Variants in DTX1 observed in about 807,000 individuals in gnomAD.
DTX1 encodes the protein E3 ubiquitin-protein ligase DTX1.
DTX1 carries 26 observed loss-of-function variants against 57.8 expected under a neutral mutation model. That is an observed-to-expected ratio of 0.45 (90% confidence interval 0.33 to 0.62). DTX1 has a LOEUF of 0.62. DTX1 is among the 20% of genes least tolerant of loss of function. The pLI is 0.02. For missense variants in DTX1, 704 were observed against 895.3 expected, an observed-to-expected ratio of 0.79 and a Z score of 2.73; for synonymous variants, 398 against 394.1, an observed-to-expected ratio of 1.01 and a Z score of -0.12.
Position 113,093,439 on chromosome 12 carries a change from C to CCA in DTX1, c.1004-99_1004-98insAC. 6 of 780,754 alleles carry CCA rather than the reference C, an allele frequency of 7.7e-6. No homozygotes were observed. Among genetic ancestry groups the CCA allele is most frequent in the Non-Finnish European group, 1.2e-5 (6 of 494,514 alleles). 48.4% of individuals were successfully genotyped at this position (780,754 alleles called of 1,614,324 possible). The stretch of plus-strand genomic sequence containing the variant: ...AGTGGGTGGGGCCCAAGAGCGCAAC[C>CCA]CTCCCACCCACCCGAGGGCCCCGGG... On this transcript the variant is annotated intron_variant, in intron 4 of 9. Transcript: ENST00000548759. This position sits in a 1 kb window ranked among gnomAD's most constrained non-coding sequence, Gnocchi z 4.2.
In DTX1 at chr12:113,096,966, T is replaced by G. The variant is rs1394723278; in HGVS notation, c.*27T>G. 2 of 1,590,338 alleles carry G rather than the reference T, an allele frequency of 1.3e-6. No homozygotes were observed. Among genetic ancestry groups the G allele is most frequent in the Non-Finnish European group, 1.7e-6 (2 of 1,170,012 alleles). On this transcript the variant is annotated 3_prime_UTR_variant, in exon 10 of 10. Coordinates refer to ENST00000548759, the MANE Select transcript of DTX1 (RefSeq NM_004416.3). ...GCCCAAGGCTGCCCACCTTCCCTCC[T>G]GCTTTGCCCCTGGTCCGGCAAATGC...
chr12:113,077,812 C>T lies in DTX1; in HGVS notation c.648C>T (p.Asn216=). ...TCAACAGCACGCGCGCCGCCTCCAA[C>T]GCCATCCTGGCCTCGCAGCGCCGCA... ...LLVNSTRAAS[N]AILASQRRKA... The change falls in exon 3 of 10, where the codon AAC becomes AAT. Residue 216 remains asparagine, a synonymous_variant. Coordinates refer to ENST00000548759, the MANE Select transcript of DTX1 (RefSeq NM_004416.3). The surrounding 1 kb of genome is among the most constrained non-coding windows in gnomAD (Gnocchi z 7.8). 2 of 1,475,104 alleles carry T rather than the reference C, an allele frequency of 1.4e-6. No individual in the cohort carries two copies. Among genetic ancestry groups the T allele is most frequent in the South Asian group, 1.3e-5 (1 of 76,014 alleles). 91.4% of individuals were successfully genotyped at this position (1,475,104 alleles called of 1,614,324 possible).
Position 113,094,017 on chromosome 12 carries a change from CA to C in DTX1, c.1166-20del. 1 of 1,567,654 alleles carries C rather than the reference CA, an allele frequency of 6.4e-7. No individual in the cohort carries two copies. The highest frequency in any genetic ancestry group is 8.7e-7 in the Non-Finnish European group (1 of 1,155,030). ...GACAGACTCTGGGTACCCTCAAACC[CA>C]CCCCGCTGTGTCCCTGCAGGTAAGA... On this transcript the variant is annotated intron_variant, in intron 5 of 9. Transcript: ENST00000548759.
At position 113,097,989 on chromosome 12, in the gene DTX1, C is replaced by A. The variant is rs1950336257; in HGVS notation, c.*1050C>A. 1 of 152,710 alleles carries A rather than the reference C, an allele frequency of 6.5e-6. No homozygotes were observed. The highest frequency in any genetic ancestry group is 2.1e-4 in the South Asian group (1 of 4,836). 9.5% of individuals were successfully genotyped at this position (152,710 alleles called of 1,614,324 possible). A position where few individuals can be genotyped will look rare whatever the true frequency, so the allele number is the denominator to read the frequency against. ...ATTGCTCTTTTCAAAACCTACCAGT[C>A]CCACTGTGGGTGGAGAAATAAATGG... On this transcript the variant is annotated 3_prime_UTR_variant, in exon 10 of 10. Coordinates refer to ENST00000548759, the MANE Select transcript of DTX1 (RefSeq NM_004416.3).
chr12:113,078,183 G>C (rs1354550941), intron 3 of DTX1, 78 bp downstream of exon 3: 2 of 1,092,054 alleles, frequency 1.8e-6, no homozygotes, highest in Non-Finnish European at 2.3e-6. Context: ...TTGGCCACTA[G>C]GGCAGGAGCA....
intron 3 of DTX1, among the ~76,000 whole-genome samples, chr12:113,090,433 T>C (rs1270855236): frequency 1.3e-5 from 2 of 152,024 alleles, no homozygotes; most frequent in Non-Finnish European, 2.9e-5. Flanking sequence ...GACAAGAAAA[T>C]CAAGACACCT....
At chr12:113,063,628 G>A (rs12822441) in intron 2 of DTX1, among the ~76,000 whole-genome samples, 22,286 of 152,326 alleles carry the variant, frequency 0.15, 2,269 homozygotes, top group Middle Eastern at 0.32. Flanking sequence ...TGCCATACCC[G>A]AGGCTGCAAG....
intron 3 of DTX1, among the ~76,000 whole-genome samples, chr12:113,088,072 G>T (rs1837468947): frequency 6.6e-6 from 1 of 152,322 alleles, no homozygotes; most frequent in Non-Finnish European, 1.5e-5. Context: ...CTCAACTCCA[G>T]ATGGCTCCAC....
At chr12:113,087,162 A>T (rs76801522) in intron 3 of DTX1, among the ~76,000 whole-genome samples, 3,865 of 152,076 alleles carry the variant, frequency 0.025, 77 homozygotes, top group Non-Finnish European at 0.038. Flanking sequence ...CCTCTAGATA[A>T]ATCTGAGCCT....
At chr12:113,062,047 A>G (rs2044668324) in intron 2 of DTX1, among the ~76,000 whole-genome samples, 1 of 151,780 alleles carries the variant, frequency 6.6e-6, no homozygotes, top group Admixed American at 6.6e-5. Context: ...ACACACACAC[A>G]CACACACACA....
chr12:113,077,919 C>T lies in DTX1; in HGVS notation c.755C>T (p.Thr252Ile), dbSNP rs1423746967. 4.2e-6 allele frequency: 5 copies of T among 1,180,402 alleles called. No individual in the cohort carries two copies. The East Asian group carries it at 1.2e-4, about 28-fold the overall frequency. The allele number at this position is 1,180,402 out of a possible 1,614,324, so 73.1% of individuals were successfully genotyped here. A position where few individuals can be genotyped will look rare whatever the true frequency, so the allele number is the denominator to read the frequency against. Reference sequence around the variant, plus strand: ...GCGCTTGCCGTGCGCCCCAGCGCCACCTTCACAGGCGCCGCGCTCTGGGCA... The same window carrying T: ...GCGCTTGCCGTGCGCCCCAGCGCCATCTTCACAGGCGCCGCGCTCTGGGCA... ...PGALAVRPSA[T>I]FTGAALWAAP... The change falls in exon 3 of 10, where the codon ACC (threonine) becomes ATC (isoleucine). Residue 252 changes from threonine to isoleucine, a missense_variant. This residue lies in a region of DTX1 where 299 missense variants were observed against 311.2 expected (regional missense o/e 0.96). Coordinates refer to ENST00000548759, the MANE Select transcript of DTX1 (RefSeq NM_004416.3). This position sits in a 1 kb window ranked among gnomAD's most constrained non-coding sequence, Gnocchi z 7.8.
At position 113,095,053 on chromosome 12, in the gene DTX1, G is replaced by T; in HGVS notation, c.1398G>T (p.Leu466=). The T allele has an allele frequency of 2.5e-6, 4 of 1,611,404 alleles. No individual in the cohort carries two copies. Among genetic ancestry groups the T allele is most frequent in the Non-Finnish European group, 2.5e-6 (3 of 1,177,880 alleles). Residue 466 remains leucine (L), a synonymous_variant, in exon 8 of 10, where the codon CTG becomes CTT. Transcript: ENST00000548759. ...MYSNGNKDGS[L]QCPTCKAIYG... is the part of the protein sequence containing the mutation. ...CCTCCCCTGCCCAGGATGGCAGCCT[G>T]CAGTGCCCCACCTGCAAGGCCATCT...
At chr12:113,063,505 T>C (rs543796466) in intron 2 of DTX1, among the ~76,000 whole-genome samples, 4 of 152,242 alleles carry the variant, frequency 2.6e-5, no homozygotes, top group Admixed American at 2.0e-4. Context: ...ATCTGCCTGG[T>C]ATCTCCCATG....
chr12:113,085,580 T>C (rs1229609515), intron 3 of DTX1, among the ~76,000 whole-genome samples: 2 of 152,266 alleles, frequency 1.3e-5, no homozygotes, highest in African/African-American at 4.8e-5. Flanking sequence ...TATTGCTTCC[T>C]TATTAATTTG....
chr12:113,065,248 C>T (rs2044696111), intron 2 of DTX1, among the ~76,000 whole-genome samples: 1 of 152,234 alleles, frequency 6.6e-6, no homozygotes, highest in Non-Finnish European at 1.5e-5. Context: ...GGGTTCCCTT[C>T]ACCCAGCCAG....
At chr12:113,063,213 G>C (rs1413587098) in intron 2 of DTX1, among the ~76,000 whole-genome samples, 1 of 152,232 alleles carries the variant, frequency 6.6e-6, no homozygotes, top group Non-Finnish European at 1.5e-5. Context: ...GGCTGGGCTG[G>C]GCCCAGGAGC....
intron 2 of DTX1, among the ~76,000 whole-genome samples, chr12:113,060,029 C>A (rs989675677): frequency 6.6e-6 from 1 of 152,122 alleles, no homozygotes; most frequent in Admixed American, 6.5e-5. Context: ...TAAGTTTCTG[C>A]AATGATTGAA....
chr12:113,082,650 C>T (rs2044827219), intron 3 of DTX1, among the ~76,000 whole-genome samples: 1 of 152,138 alleles, frequency 6.6e-6, no homozygotes, highest in South Asian at 2.1e-4. Context: ...GGCTGGAGTA[C>T]AGTGGCGCAA....
At position 113,057,848 on chromosome 12, in the gene DTX1, G is replaced by T. The variant is rs577503588; in HGVS notation, c.-345G>T. On this transcript the variant is annotated 5_prime_UTR_variant, in exon 2 of 10. Coordinates refer to ENST00000548759, the MANE Select transcript of DTX1 (RefSeq NM_004416.3). ...GGGACCAAGAGACAACACGGAAGAGGCTGGACCTCGAACAGGGGCGGCTGC... is the reference window on the plus strand; with the variant it reads ...GGGACCAAGAGACAACACGGAAGAGTCTGGACCTCGAACAGGGGCGGCTGC... 9.2e-5 allele frequency: 27 copies of T among 293,394 alleles called. No individual in the cohort carries two copies. The highest frequency in any genetic ancestry group is 2.1e-3 in the Middle Eastern group (2 of 938). The allele number at this position is 293,394 out of a possible 1,614,324, so 18.2% of individuals were successfully genotyped here.
Sources: gnomAD v4.1 joint callset for allele counts (sites outside exome capture counted in the v4.1 genomes callset) on GRCh38, gnomAD v4.1.1 for gene constraint, gnomAD v4.1.1 regional missense constraint, Gnocchi (gnomAD v3.1) non-coding constraint, MANE v1.5 for transcripts, NCBI Gene and HGNC (gene_info 2026-07-23, HGNC 2026-07-21) for gene names.